FAM20A: variants seen among roughly 807,000 people sequenced by gnomAD.
FAM20A encodes the protein pseudokinase FAM20A.
In FAM20A, 42 loss-of-function variants were observed where a neutral mutation model predicts 52.0. The observed-to-expected ratio is 0.81, with a 90% CI of 0.63 to 1.04. FAM20A has a LOEUF of 1.04. FAM20A is among the 50% of genes least tolerant of loss of function. FAM20A has a pLI of 0.00. For synonymous variants in FAM20A, 304 were observed against 298.9 expected, an observed-to-expected ratio of 1.02 and a Z score of -0.18; for missense variants, 742 against 712.7, an observed-to-expected ratio of 1.04 and a Z score of -0.47.
intron 1 of FAM20A, among the ~76,000 whole-genome samples, chr17:68,569,138 C>A (rs2087469023): frequency 6.6e-6 from 1 of 152,142 alleles, no homozygotes; most frequent in South Asian, 2.1e-4. Context: ...CCACACCCCC[C>A]AGCTTCAATG....
intron 1 of FAM20A, among the ~76,000 whole-genome samples, chr17:68,567,259 C>T (rs1307389021): frequency 2.0e-5 from 3 of 151,966 alleles, no homozygotes; most frequent in Non-Finnish European, 4.4e-5. Flanking sequence ...AATCTGTAAA[C>T]GAACAGGCAA....
In FAM20A at chr17:68,555,554, C is replaced by G; in HGVS notation, c.589+5G>C. The stretch of plus-strand genomic sequence containing the variant: ...TCCCCCCTTGCTTGATCCCATGAAC[C>G]TTACCAGCACTGATGGTGGGAAAGT... On this transcript the variant is annotated splice_donor_5th_base_variant and intron_variant, in intron 2 of 10. Transcript: ENST00000592554. 6.2e-7 allele frequency: 1 copy of G among 1,612,560 alleles called. No individual in the cohort carries two copies. The highest frequency in any genetic ancestry group is 8.5e-7 in the Non-Finnish European group (1 of 1,180,024).
At chr17:68,595,197 G>C (rs2088420159) in intron 1 of FAM20A, among the ~76,000 whole-genome samples, 1 of 152,250 alleles carries the variant, frequency 6.6e-6, no homozygotes, top group East Asian at 1.9e-4. Context: ...TGAAAGAAGA[G>C]TGTTGTTAGG....
At chr17:68,583,766 G>C (rs1016575961) in intron 1 of FAM20A, among the ~76,000 whole-genome samples, 1 of 152,128 alleles carries the variant, frequency 6.6e-6, no homozygotes, top group African/African-American at 2.4e-5. Flanking sequence ...AGCCGGGCGT[G>C]GTGGTGCGTG....
Position 68,600,861 on chromosome 17 carries a change from A to T in FAM20A, c.-195T>A. ...CTCAACTTGGGGACCAGGTGCACGG[A>T]GCACCGGGGCTCTCGGAGTCAGCGG... On this transcript the variant is annotated 5_prime_UTR_variant, in exon 1 of 11. Transcript: ENST00000592554. This position sits in a 1 kb window ranked among gnomAD's most constrained non-coding sequence, Gnocchi z 6.2. 1 of 558,876 alleles carries T rather than the reference A, an allele frequency of 1.8e-6. No individual in the cohort carries two copies. Among genetic ancestry groups the T allele is most frequent in the Non-Finnish European group, 3.0e-6 (1 of 328,718 alleles). 34.6% of individuals were successfully genotyped at this position (558,876 alleles called of 1,614,324 possible).
intron 1 of FAM20A, among the ~76,000 whole-genome samples, chr17:68,588,324 T>C (rs1478493593): frequency 1.3e-5 from 2 of 152,226 alleles, no homozygotes; most frequent in Non-Finnish European, 2.9e-5. Flanking sequence ...CTTGAGGCTG[T>C]AAGAACCATA....
At chr17:68,587,712 T>G (rs2088199572) in intron 1 of FAM20A, among the ~76,000 whole-genome samples, 1 of 152,046 alleles carries the variant, frequency 6.6e-6, no homozygotes, top group African/African-American at 2.4e-5. Context: ...CAGGCCAGAG[T>G]CTTACGAATT....
chr17:68,594,298 C>T (rs981816557), intron 1 of FAM20A, among the ~76,000 whole-genome samples: 11 of 151,616 alleles, frequency 7.3e-5, no homozygotes, highest in African/African-American at 2.4e-4. Flanking sequence ...ACTCGGGAGG[C>T]TGAGGCAGGA....
chr17:68,598,803 CA>C (rs1225319750), intron 1 of FAM20A, among the ~76,000 whole-genome samples: 4 of 152,152 alleles, frequency 2.6e-5, no homozygotes, highest in African/African-American at 4.8e-5. Flanking sequence ...ATCACATTTA[CA>C]AAAGCAAGTG....
In FAM20A at chr17:68,600,633, G is replaced by T; in HGVS notation, c.34C>A (p.Leu12Met). ...PGLRRDRLLT[L>M]LLLGALLSAD... ...GAGAGCAGCGCGCCCAGCAGCAGCA[G>T]AGTCAGTAGGCGGTCCCGGCGCAGC... The change falls in exon 1 of 11, where the codon CTG becomes ATG. Residue 12 changes from leucine to methionine, a missense_variant. Transcript: ENST00000592554. The surrounding 1 kb of genome is among the most constrained non-coding windows in gnomAD (Gnocchi z 6.2). The T allele has an allele frequency of 6.4e-7, 1 of 1,559,186 alleles. No homozygotes were observed. The highest frequency in any genetic ancestry group is 2.3e-5 in the East Asian group (1 of 42,844).
At chr17:68,599,480 C>T (rs2143957268) in intron 1 of FAM20A, among the ~76,000 whole-genome samples, 1 of 152,266 alleles carries the variant, frequency 6.6e-6, no homozygotes, top group South Asian at 2.1e-4. Flanking sequence ...GATATTTTTT[C>T]CTCTGTATTT....
At chr17:68,540,490 G>A (rs1001243444) in intron 8 of FAM20A, 19 of 472,116 alleles carry the variant, frequency 4.0e-5, no homozygotes, top group South Asian at 6.2e-5. Flanking sequence ...TTGTGTGTCC[G>A]TGGCCTCGCC....
intron 4 of FAM20A, among the ~76,000 whole-genome samples, chr17:68,550,671 G>T (rs748971504): frequency 2.0e-5 from 3 of 152,134 alleles, no homozygotes; most frequent in Non-Finnish European, 2.9e-5. Context: ...GTGAGCCATC[G>T]TGCCCAGCAG....
At position 68,537,874 on chromosome 17, in the gene FAM20A, T is replaced by A; in HGVS notation, c.1362-133A>T. On this transcript the variant is annotated intron_variant, in intron 10 of 10. Transcript: ENST00000592554. This position sits in a 1 kb window ranked among gnomAD's most constrained non-coding sequence, Gnocchi z 4.2. ...TCCTTGTGTCTTCTCAGGCACATTT[T>A]AATGGAAACCAGGTAAAAAGGGAAC... The A allele has an allele frequency of 9.8e-7, 1 of 1,023,640 alleles. No individual in the cohort carries two copies. Among genetic ancestry groups the A allele is most frequent in the Non-Finnish European group, 1.5e-6 (1 of 682,998 alleles). The allele number at this position is 1,023,640 out of a possible 1,614,324, so 63.4% of individuals were successfully genotyped here. A position where few individuals can be genotyped will look rare whatever the true frequency, so the allele number is the denominator to read the frequency against.
chr17:68,594,354 G>C (rs796613150), intron 1 of FAM20A, among the ~76,000 whole-genome samples: 1 of 151,398 alleles, frequency 6.6e-6, no homozygotes, highest in East Asian at 1.9e-4. Context: ...AGCCGAGATC[G>C]CGCCACTGCA....
chr17:68,599,064 ACAGTGATT>A lies in FAM20A; in HGVS notation c.404+1191_404+1198del, dbSNP rs1468222218. On this transcript the variant is annotated intron_variant, in intron 1 of 10. Coordinates refer to ENST00000592554, the MANE Select transcript of FAM20A (RefSeq NM_017565.4). ...CGTAGAGTTACTACTGAAATTCACC[ACAGTGATT>A]CAGCCAACAACTCAACTTATTCCTT... Among the ~76,000 whole-genome samples the A allele has an allele frequency of 1.2e-4, 19 of 152,312 alleles. No individual in the cohort carries two copies. The East Asian group carries it at 3.3e-3, about 26-fold the overall frequency.
chr17:68,559,014 A>T (rs1038599796), intron 1 of FAM20A, among the ~76,000 whole-genome samples: 9 of 152,104 alleles, frequency 5.9e-5, no homozygotes, highest in Non-Finnish European at 1.2e-4. Flanking sequence ...CGCCTTGACC[A>T]CCCAAAGAGC....
intron 4 of FAM20A, among the ~76,000 whole-genome samples, chr17:68,548,771 C>T (rs1198573258): frequency 3.3e-5 from 4 of 120,500 alleles, no homozygotes; most frequent in Admixed American, 1.0e-4. Flanking sequence ...CTCCCTCTGT[C>T]GCCTGGGCTG....
chr17:68,555,554 C>T lies in FAM20A; in HGVS notation c.589+5G>A. On this transcript the variant is annotated splice_donor_5th_base_variant and intron_variant, in intron 2 of 10. Transcript: ENST00000592554. ...TCCCCCCTTGCTTGATCCCATGAAC[C>T]TTACCAGCACTGATGGTGGGAAAGT... 2 of 1,612,560 alleles carry T rather than the reference C, an allele frequency of 1.2e-6. No individual in the cohort carries two copies. Among genetic ancestry groups the T allele is most frequent in the Non-Finnish European group, 1.7e-6 (2 of 1,180,024 alleles).
Sources: allele counts gnomAD v4.1 joint callset (sites outside exome capture counted in the v4.1 genomes callset), GRCh38; gene constraint gnomAD v4.1.1; non-coding constraint Gnocchi (gnomAD v3.1); transcripts MANE v1.5; gene names NCBI Gene and HGNC (gene_info 2026-07-23, HGNC 2026-07-21).